KCNT2: variants seen among roughly 807,000 people sequenced by gnomAD.
The protein encoded by KCNT2 is potassium sodium-activated channel subfamily T member 2.
A neutral mutation model predicts 153.8 loss-of-function variants in KCNT2; 67 were observed. The ratio of observed to expected loss-of-function variants is 0.44; its 90% CI spans 0.36 to 0.53. KCNT2 has a LOEUF of 0.53. Ranked by LOEUF, KCNT2 falls within the 20% of genes least tolerant of loss-of-function variation. The pLI, the probability that KCNT2 is intolerant of heterozygous loss-of-function variation, is 0.00. For synonymous variants in KCNT2, 500 were observed against 458.8 expected (o/e 1.09, Z -1.15); for missense variants, 975 against 1,354.8 (o/e 0.72, Z 4.40).
Position 196,228,008 on chromosome 1 carries a change from A to G in KCNT2, c.*216T>C. 2.8e-6 allele frequency: 1 copy of G among 360,184 alleles called. No individual in the cohort carries two copies. Among genetic ancestry groups the G allele is most frequent in the South Asian group, 9.1e-5 (1 of 11,008 alleles). 22.3% of individuals were successfully genotyped at this position (360,184 alleles called of 1,614,324 possible). A position where few individuals can be genotyped will look rare whatever the true frequency, so the allele number is the denominator to read the frequency against. ...TTTTTGTATTTTAATTTAGCTTTTC[A>G]AATTTATTCCATTGAGGTCCTTCAA... On this transcript the variant is annotated 3_prime_UTR_variant, in exon 28 of 28. Transcript: ENST00000294725.
At chr1:196,310,148 G>C (rs1662023590) in intron 21 of KCNT2, among the ~76,000 whole-genome samples, 2 of 151,684 alleles carry the variant, frequency 1.3e-5, no homozygotes, top group Admixed American at 1.3e-4. Context: ...ATTGGAAAAT[G>C]TTTATGACAC....
At chr1:196,269,522 C>A (rs1657868292) in intron 25 of KCNT2, among the ~76,000 whole-genome samples, 1 of 151,964 alleles carries the variant, frequency 6.6e-6, no homozygotes, top group East Asian at 1.9e-4. Flanking sequence ...GACTAGTAAG[C>A]AGAAGAGAAA....
At chr1:196,461,718 G>A (rs940839138) in intron 8 of KCNT2, among the ~76,000 whole-genome samples, 1 of 151,528 alleles carries the variant, frequency 6.6e-6, no homozygotes, top group African/African-American at 2.4e-5. Context: ...TGATGAAGAG[G>A]GGTACACTGC....
chr1:196,567,637 A>C (rs1660270747), intron 1 of KCNT2, among the ~76,000 whole-genome samples: 1 of 152,216 alleles, frequency 6.6e-6, no homozygotes, highest in Non-Finnish European at 1.5e-5. Flanking sequence ...TGTTGTTACA[A>C]GAACTTAAGG....
At position 196,347,541 on chromosome 1, in the gene KCNT2, T is replaced by A. The variant is rs116747895; in HGVS notation, c.1404-5313A>T. Among the ~76,000 whole-genome samples, 693 of 152,296 alleles carry A rather than the reference T, an allele frequency of 4.6e-3. 4 individuals carry two copies. The highest frequency in any genetic ancestry group is 0.015 in the African/African-American group (627 of 41,570). On this transcript the variant is annotated intron_variant, in intron 14 of 27. Transcript: ENST00000294725. ...CAGTGAATGCTTTCACAAATCCTTTTACAGTAATGTAGTAAGAGTAAATTT... is the reference window on the plus strand; with the variant it reads ...CAGTGAATGCTTTCACAAATCCTTTAACAGTAATGTAGTAAGAGTAAATTT...
At chr1:196,424,688 T>A (rs141722157) in intron 11 of KCNT2, among the ~76,000 whole-genome samples, 1 of 151,704 alleles carries the variant, frequency 6.6e-6, no homozygotes, top group Non-Finnish European at 1.5e-5. Flanking sequence ...TTTTCAGAAG[T>A]TGAATCATTG....
At chr1:196,489,311 T>A (rs983808859) in intron 3 of KCNT2, among the ~76,000 whole-genome samples, 6 of 151,854 alleles carry the variant, frequency 4.0e-5, no homozygotes, top group Non-Finnish European at 8.8e-5. Context: ...CAGGCAAAGA[T>A]CCTTGCTGTC....
chr1:196,562,842 T>C (rs1307073610), intron 1 of KCNT2, among the ~76,000 whole-genome samples: 1 of 151,916 alleles, frequency 6.6e-6, no homozygotes, highest in Non-Finnish European at 1.5e-5. Context: ...CCCAATAAAA[T>C]ACTATTTTCT....
chr1:196,350,669 T>C (rs1239301190), intron 14 of KCNT2, among the ~76,000 whole-genome samples: 1 of 152,196 alleles, frequency 6.6e-6, no homozygotes, highest in East Asian at 1.9e-4. Flanking sequence ...TTCACTCTGA[T>C]GGTAATTTCT....
intron 22 of KCNT2, among the ~76,000 whole-genome samples, chr1:196,299,131 C>T (rs923861906): frequency 6.6e-6 from 1 of 151,790 alleles, no homozygotes; most frequent in Admixed American, 6.6e-5. Flanking sequence ...AAGAAATAAG[C>T]CTTTGGAGGA....
chr1:196,602,663 A>T (rs1166586431), intron 1 of KCNT2, among the ~76,000 whole-genome samples: 2 of 152,138 alleles, frequency 1.3e-5, no homozygotes, highest in Non-Finnish European at 2.9e-5. Context: ...TGTGTTTTAT[A>T]TAAAATATTG....
intron 1 of KCNT2, among the ~76,000 whole-genome samples, chr1:196,599,044 A>T (rs924577637): frequency 6.6e-6 from 1 of 152,244 alleles, no homozygotes; most frequent in Non-Finnish European, 1.5e-5. Context: ...TAATTTGCCA[A>T]TGTAATCACC....
At chr1:196,437,038 C>A (rs1254911171) in intron 8 of KCNT2, among the ~76,000 whole-genome samples, 1 of 4,480 alleles carries the variant, frequency 2.2e-4, no homozygotes, top group Non-Finnish European at 5.2e-4. Flanking sequence ...AAATATATAT[C>A]ATATATAAAT....
intron 1 of KCNT2, among the ~76,000 whole-genome samples, chr1:196,585,272 T>G (rs4658042): frequency 0.78 from 118,352 of 152,004 alleles, 49,607 homozygotes; most frequent in East Asian, 0.97. Context: ...TAAGATACTA[T>G]GCAATCCTGT....
intron 16 of KCNT2, among the ~76,000 whole-genome samples, chr1:196,335,725 T>A (rs1204344037): frequency 6.6e-6 from 1 of 152,176 alleles, no homozygotes; most frequent in Non-Finnish European, 1.5e-5. Flanking sequence ...AGTGATTTTT[T>A]AGACCTTGTT....
intron 2 of KCNT2, 22 bp downstream of exon 2, chr1:196,492,240 G>A (rs937306571): frequency 3.6e-6 from 5 of 1,399,682 alleles, no homozygotes; most frequent in Non-Finnish European, 4.7e-6. Context: ...ACGAACAGAG[G>A]GGAATGAAAT....
chr1:196,251,747 G>C (rs1390955999), intron 26 of KCNT2, among the ~76,000 whole-genome samples: 2 of 151,832 alleles, frequency 1.3e-5, no homozygotes, highest in South Asian at 2.1e-4. Context: ...AACTAAAAGA[G>C]TTTAAGTGGA....
At chr1:196,368,664 G>A (rs183373548) in intron 14 of KCNT2, among the ~76,000 whole-genome samples, 211 of 152,180 alleles carry the variant, frequency 1.4e-3, no homozygotes, top group African/African-American at 5.0e-3. Context: ...TCCTATCTCA[G>A]TGTTATTTTA....
At chr1:196,601,288 C>T (rs1340147546) in intron 1 of KCNT2, among the ~76,000 whole-genome samples, 1 of 152,232 alleles carries the variant, frequency 6.6e-6, no homozygotes, top group African/African-American at 2.4e-5. Flanking sequence ...CTAGGCTCAT[C>T]TTCAATCATG....
Sources: allele counts gnomAD v4.1 joint callset (sites outside exome capture counted in the v4.1 genomes callset), GRCh38; gene constraint gnomAD v4.1.1; transcripts MANE v1.5; gene names NCBI Gene and HGNC (gene_info 2026-07-23, HGNC 2026-07-21).